Variants in PAWR observed in about 807,000 individuals in gnomAD.
The protein encoded by PAWR is PRKC apoptosis WT1 regulator protein.
Under a neutral mutation model 32.0 loss-of-function variants are expected in PAWR, and 23 were observed. That is an observed-to-expected ratio of 0.72 (90% CI 0.52 to 1.02). PAWR has a LOEUF of 1.02. Among genes scored for constraint, PAWR ranks in the 50% least tolerant of loss-of-function variants. The pLI is 0.00. For missense variants in PAWR, 457 were observed against 437.7 expected (o/e 1.04, Z -0.39); for synonymous variants, 226 against 187.1 (o/e 1.21, Z -1.70).
At chr12:79,622,758 A>G (rs1456009370) in intron 2 of PAWR, among the ~76,000 whole-genome samples, 2 of 152,146 alleles carry the variant, frequency 1.3e-5, no homozygotes, top group African/African-American at 4.8e-5. Flanking sequence ...GAAACAGCAC[A>G]AGAAAATTAT....
At chr12:79,633,402 T>C (rs1181392782) in intron 2 of PAWR, among the ~76,000 whole-genome samples, 1 of 152,068 alleles carries the variant, frequency 6.6e-6, no homozygotes, top group Non-Finnish European at 1.5e-5. Flanking sequence ...CATCATGTCA[T>C]TAGGGAAATG....
At chr12:79,670,057 T>C (rs1877814188) in intron 2 of PAWR, among the ~76,000 whole-genome samples, 1 of 152,266 alleles carries the variant, frequency 6.6e-6, no homozygotes, top group South Asian at 2.1e-4. Flanking sequence ...TTTTAACCTA[T>C]GGGTATACAA....
At chr12:79,630,078 C>T (rs1225780861) in intron 2 of PAWR, among the ~76,000 whole-genome samples, 1 of 151,172 alleles carries the variant, frequency 6.6e-6, no homozygotes, top group African/African-American at 2.4e-5. Context: ...GCAAATTAAA[C>T]CCAAAATAAA....
chr12:79,621,877 A>G (rs1875036834), intron 2 of PAWR, among the ~76,000 whole-genome samples: 1 of 152,198 alleles, frequency 6.6e-6, no homozygotes, highest in Non-Finnish European at 1.5e-5. Context: ...AAGAAAAACA[A>G]AATAGAAACA....
intron 4 of PAWR, chr12:79,603,665 C>CAATTTTTTTTTTTTTT (rs1565998443): frequency 1.4e-5 from 2 of 141,468 alleles, no homozygotes; most frequent in African/African-American, 5.3e-5. Flanking sequence ...CATCATTATG[C>CAATTTTTTTTTTTTTT]TATTTTTTTT....
At chr12:79,608,890 C>G (rs746559334) in intron 4 of PAWR, among the ~76,000 whole-genome samples, 1 of 151,782 alleles carries the variant, frequency 6.6e-6, no homozygotes, top group Non-Finnish European at 1.5e-5. Context: ...ACTAAAAATA[C>G]AAAAGTTAGC....
At chr12:79,668,856 T>C (rs1176464670) in intron 2 of PAWR, among the ~76,000 whole-genome samples, 2 of 152,066 alleles carry the variant, frequency 1.3e-5, no homozygotes, top group African/African-American at 4.8e-5. Context: ...GTATAGAGAA[T>C]ACAAATATAA....
chr12:79,689,582 A>T (rs1312743050), intron 2 of PAWR, 147 bp downstream of exon 2: 1 of 874,040 alleles, frequency 1.1e-6, no homozygotes, highest in African/African-American at 1.8e-5. Context: ...GTAAAACTCC[A>T]TCACCCCCTG....
intron 5 of PAWR, among the ~76,000 whole-genome samples, chr12:79,595,254 T>G (rs1457667262): frequency 1.3e-5 from 2 of 151,076 alleles, no homozygotes; most frequent in African/African-American, 4.9e-5. Context: ...TGATTTTTAA[T>G]TTTTTTTTTC....
intron 2 of PAWR, among the ~76,000 whole-genome samples, chr12:79,641,092 A>G (rs1231539149): frequency 2.0e-5 from 3 of 152,220 alleles, no homozygotes; most frequent in Admixed American, 6.5e-5. Context: ...CTTTCATTAG[A>G]TAAGATTAAA....
At chr12:79,601,207 ATTTTTTTTTTTTTT>A (rs534042888) in intron 4 of PAWR, among the ~76,000 whole-genome samples, 1 of 118,494 alleles carries the variant, frequency 8.4e-6, no homozygotes, top group Non-Finnish European at 1.7e-5. Context: ...GGAAACCTGA[ATTTTTTTTTTTTTT>A]TTTTTTTTTT....
intron 2 of PAWR, among the ~76,000 whole-genome samples, chr12:79,624,076 C>T (rs1009985516): frequency 4.6e-5 from 7 of 152,158 alleles, no homozygotes; most frequent in African/African-American, 1.7e-4. Flanking sequence ...ATCACTTATT[C>T]TCCAGCATAT....
chr12:79,670,657 G>A (rs1242593588), intron 2 of PAWR, among the ~76,000 whole-genome samples: 1 of 152,044 alleles, frequency 6.6e-6, no homozygotes. Context: ...CACTGTAACT[G>A]AACCTTTCTT....
chr12:79,621,374 T>C (rs1272392326), intron 2 of PAWR, among the ~76,000 whole-genome samples, 167 bp from the exon 3 acceptor site: 5 of 152,232 alleles, frequency 3.3e-5, no homozygotes, highest in Non-Finnish European at 5.9e-5. Flanking sequence ...TTCCTATAAA[T>C]TATCTGCTTA....
At chr12:79,678,861 T>G (rs1878298344) in intron 2 of PAWR, among the ~76,000 whole-genome samples, 1 of 131,848 alleles carries the variant, frequency 7.6e-6, no homozygotes, top group African/African-American at 2.8e-5. Flanking sequence ...ATGGCTCCCT[T>G]TAGGGTATTT....
In PAWR at chr12:79,621,250, A is replaced by T. The variant is rs200978308; in HGVS notation, c.517-43T>A. 1,258 of 1,433,644 alleles carry T rather than the reference A, an allele frequency of 8.8e-4. 3 individuals carry two copies. Among genetic ancestry groups the T allele is most frequent in the South Asian group, 2.9e-3 (234 of 81,826 alleles). 88.8% of individuals were successfully genotyped at this position (1,433,644 alleles called of 1,614,324 possible). A position where few individuals can be genotyped will look rare whatever the true frequency, so the allele number is the denominator to read the frequency against. ...TTTCCATTTTATTTCTACTATTAAT[A>T]GACTGTTTCGATAATATGTGAAAAT... On this transcript the variant is annotated intron_variant, in intron 2 of 6. Transcript: ENST00000328827.
intron 2 of PAWR, among the ~76,000 whole-genome samples, chr12:79,663,926 T>C (rs1458958071): frequency 6.6e-6 from 1 of 152,162 alleles, no homozygotes; most frequent in Non-Finnish European, 1.5e-5. Context: ...GCTTATAATA[T>C]AATAAACAAA....
intron 2 of PAWR, among the ~76,000 whole-genome samples, chr12:79,645,097 T>C (rs1361627977): frequency 2.0e-5 from 3 of 147,136 alleles, no homozygotes; most frequent in Admixed American, 6.8e-5. Flanking sequence ...GAAATGAGGG[T>C]AGAGCTTCTA....
intron 2 of PAWR, among the ~76,000 whole-genome samples, chr12:79,632,336 TATATA>T (rs1875714883): frequency 1.7e-5 from 1 of 57,580 alleles, no homozygotes; most frequent in African/African-American, 2.1e-4. Flanking sequence ...TATATATATA[TATATA>T]TATATATATA....
Sources: gnomAD v4.1 joint callset for allele counts (sites outside exome capture counted in the v4.1 genomes callset) on GRCh38, gnomAD v4.1.1 for gene constraint, MANE v1.5 for transcripts, NCBI Gene and HGNC (gene_info 2026-07-23, HGNC 2026-07-21) for gene names.